Variants in VPS13B observed in about 807,000 individuals in gnomAD.
The protein encoded by VPS13B is intermembrane lipid transfer protein VPS13B.
VPS13B carries 285 observed loss-of-function variants against 426.4 expected under a neutral mutation model. The ratio of observed to expected loss-of-function variants is 0.67; its 90% CI spans 0.61 to 0.74. The LOEUF (loss-of-function observed/expected upper bound fraction) is 0.74. VPS13B is among the 30% of genes least tolerant of loss of function. The probability of loss-of-function intolerance (pLI) is 0.00; values close to 1 mark genes in which losing one functional copy is unlikely to be tolerated. For synonymous variants in VPS13B, 1,676 were observed against 1,676.4 expected (o/e 1.00, Z 0.01); for missense variants, 4,537 against 4,782.6 (o/e 0.95, Z 1.51).
intron 5 of VPS13B, among the ~76,000 whole-genome samples, 187 bp from the exon 6 acceptor site, chr8:99,110,911 T>C (rs1847326645): frequency 6.6e-6 from 1 of 151,974 alleles, no homozygotes; most frequent in Non-Finnish European, 1.5e-5. Context: ...CATAAAGTTG[T>C]TGGAAGATTT....
At chr8:99,668,355 CAA>C (rs35852232) in intron 35 of VPS13B, among the ~76,000 whole-genome samples, 86 of 94,682 alleles carry the variant, frequency 9.1e-4, no homozygotes, top group Admixed American at 1.5e-3. Flanking sequence ...GACCCTGTCT[CAA>C]AAAAAAAAAA....
intron 3 of VPS13B, among the ~76,000 whole-genome samples, chr8:99,072,315 G>T (rs1349179774): frequency 6.6e-6 from 1 of 152,150 alleles, no homozygotes; most frequent in African/African-American, 2.4e-5. Flanking sequence ...GCCAAGACTG[G>T]TTCCTTCCCT....
chr8:99,514,860 C>T (rs544959534), intron 29 of VPS13B, among the ~76,000 whole-genome samples: 3 of 152,156 alleles, frequency 2.0e-5, no homozygotes, highest in African/African-American at 7.2e-5. Flanking sequence ...TTTGAGGAAC[C>T]ACCAAACTTC....
At chr8:99,628,774 T>G (rs914120636) in intron 33 of VPS13B, among the ~76,000 whole-genome samples, 6 of 151,696 alleles carry the variant, frequency 4.0e-5, no homozygotes, top group African/African-American at 1.5e-4. Context: ...ACTAGCTATG[T>G]GTTTTTTTTT....
intron 7 of VPS13B, among the ~76,000 whole-genome samples, chr8:99,119,668 G>A (rs1847844544): frequency 6.6e-6 from 1 of 152,148 alleles, no homozygotes; most frequent in South Asian, 2.1e-4. Context: ...CTTCTCAGGT[G>A]AAAGAAGGTA....
At chr8:99,475,530 G>C (rs1469943765) in intron 24 of VPS13B, among the ~76,000 whole-genome samples, 1 of 152,138 alleles carries the variant, frequency 6.6e-6, no homozygotes, top group Non-Finnish European at 1.5e-5. Context: ...TCTTTACTTT[G>C]AGATACTTAA....
intron 34 of VPS13B, among the ~76,000 whole-genome samples, chr8:99,649,403 A>AT (rs944200197): frequency 4.0e-5 from 6 of 150,124 alleles, no homozygotes; most frequent in African/African-American, 7.3e-5. Context: ...TAAGACTCTC[A>AT]TTTTTTTTTC....
At position 99,575,640 on chromosome 8, in the gene VPS13B, T is replaced by G. The variant is rs188457078; in HGVS notation, c.4950-18T>G. ...GAAAATAATGAAATGGCTAATAATC[T>G]TTTACTCTATCTTTTAGCATACGGC... On this transcript the variant is annotated intron_variant, in intron 31 of 61. Coordinates refer to ENST00000357162, the MANE Select transcript of VPS13B (RefSeq NM_152564.5). 1.2e-5 allele frequency: 19 copies of G among 1,613,542 alleles called. No homozygotes were observed. The Admixed American group carries it at 2.2e-4, about 18-fold the overall frequency.
chr8:99,569,626 G>A (rs1180478742), intron 31 of VPS13B, among the ~76,000 whole-genome samples: 1 of 152,072 alleles, frequency 6.6e-6, no homozygotes, highest in African/African-American at 2.4e-5. Context: ...TCCCACAAAG[G>A]CATACCAAAA....
intron 8 of VPS13B, among the ~76,000 whole-genome samples, chr8:99,122,730 A>G (rs971976517): frequency 2.0e-5 from 3 of 152,224 alleles, no homozygotes; most frequent in African/African-American, 7.2e-5. Context: ...GAGTGAACAG[A>G]TATAAATTCC....
At chr8:99,367,021 A>C (rs1347947549) in intron 19 of VPS13B, among the ~76,000 whole-genome samples, 1 of 152,178 alleles carries the variant, frequency 6.6e-6, no homozygotes, top group Non-Finnish European at 1.5e-5. Context: ...CTTTCTACTT[A>C]AGAGTAGTTT....
At chr8:99,301,471 G>A (rs539001407) in intron 19 of VPS13B, among the ~76,000 whole-genome samples, 19 of 152,014 alleles carry the variant, frequency 1.2e-4, no homozygotes, top group South Asian at 1.2e-3. Flanking sequence ...TTTATTTTTA[G>A]TAGAGATGGG....
chr8:99,200,084 C>G (rs1197563780), intron 17 of VPS13B, among the ~76,000 whole-genome samples: 1 of 152,188 alleles, frequency 6.6e-6, no homozygotes, highest in Non-Finnish European at 1.5e-5. Flanking sequence ...AAATACTAAT[C>G]TACTTTTTGT....
chr8:99,279,855 C>T lies in VPS13B; in HGVS notation c.2824+4601C>T, dbSNP rs187782257. 1.9e-3 allele frequency among the ~76,000 whole-genome samples: 286 copies of T among 152,198 alleles called. 2 individuals are homozygous for T. Among genetic ancestry groups the T allele is most frequent in the African/African-American group, 6.2e-3 (257 of 41,526 alleles). On this transcript the variant is annotated intron_variant, in intron 19 of 61. Transcript: ENST00000357162. Reference sequence around the variant, plus strand: ...CGCGATCTTGGCTCACTGCAACCTCCGCCTCCCAGGTTCATGCCATTCTCC... The same window carrying T: ...CGCGATCTTGGCTCACTGCAACCTCTGCCTCCCAGGTTCATGCCATTCTCC...
chr8:99,807,914 G>A (rs1035192663), intron 43 of VPS13B, among the ~76,000 whole-genome samples: 5 of 144,816 alleles, frequency 3.5e-5, no homozygotes, highest in Admixed American at 2.1e-4. Flanking sequence ...CATCGAAAAC[G>A]TATGTTGTGA....
chr8:99,672,847 C>A (rs1830774262), intron 35 of VPS13B, among the ~76,000 whole-genome samples: 1 of 151,936 alleles, frequency 6.6e-6, no homozygotes, highest in African/African-American at 2.4e-5. Context: ...GAGTTCTTAT[C>A]ACGAAGGGAT....
intron 23 of VPS13B, among the ~76,000 whole-genome samples, chr8:99,445,116 A>T (rs1007555647): frequency 6.6e-6 from 1 of 151,776 alleles, no homozygotes; most frequent in African/African-American, 2.4e-5. Flanking sequence ...ACCCTTACAC[A>T]TGATTTGCAA....
chr8:99,549,427 G>C (rs1480880057), intron 30 of VPS13B, among the ~76,000 whole-genome samples: 2 of 152,076 alleles, frequency 1.3e-5, no homozygotes, highest in Non-Finnish European at 2.9e-5. Flanking sequence ...TCTGAGGAAA[G>C]ATTTCAAAGT....
chr8:99,279,904 G>A (rs1038040626), intron 19 of VPS13B, among the ~76,000 whole-genome samples: 3 of 152,096 alleles, frequency 2.0e-5, no homozygotes, highest in African/African-American at 7.2e-5. Flanking sequence ...CAAGTAGCTG[G>A]GACTACAGGC....
Sources: allele counts gnomAD v4.1 joint callset (sites outside exome capture counted in the v4.1 genomes callset), GRCh38; gene constraint gnomAD v4.1.1; transcripts MANE v1.5; gene names NCBI Gene and HGNC (gene_info 2026-07-23, HGNC 2026-07-21).